RFX2: variants seen among roughly 807,000 people sequenced by gnomAD.
RFX2 encodes DNA-binding protein RFX2.
RFX2 carries 20 observed loss-of-function variants against 87.8 expected under a neutral mutation model. That is an observed-to-expected ratio of 0.23 (90% CI 0.16 to 0.33). The LOEUF is 0.33. RFX2 is among the 10% of genes least tolerant of loss of function. The pLI is 1.00. For missense variants in RFX2, 767 were observed against 1,012.3 expected (o/e 0.76, Z 3.29); for synonymous variants, 397 against 431.3 (o/e 0.92, Z 0.98).
intron 1 of RFX2, among the ~76,000 whole-genome samples, chr19:6,096,741 T>C (rs992938544): frequency 4.6e-5 from 7 of 152,236 alleles, no homozygotes; most frequent in East Asian, 1.9e-4. Context: ...GCACTGCACC[T>C]GGCCTCGTTT....
intron 2 of RFX2, among the ~76,000 whole-genome samples, chr19:6,046,409 C>G (rs963745647): frequency 1.3e-5 from 2 of 151,680 alleles, no homozygotes; most frequent in African/African-American, 2.4e-5. Context: ...GGTGAAACCT[C>G]GTCTCTACTA....
intron 1 of RFX2, among the ~76,000 whole-genome samples, chr19:6,104,749 T>G (rs1318542381): frequency 2.6e-5 from 4 of 152,076 alleles, no homozygotes; most frequent in Non-Finnish European, 5.9e-5. Flanking sequence ...TCCCCATAAG[T>G]GTCAAGGAAA....
intron 5 of RFX2, among the ~76,000 whole-genome samples, chr19:6,036,768 C>T (rs1452492534): frequency 1.3e-5 from 2 of 152,180 alleles, no homozygotes; most frequent in African/African-American, 4.8e-5. Flanking sequence ...GAAAAACCCA[C>T]AGCTAACATC....
chr19:5,995,746 C>T, intron 16 of RFX2, 103 bp from the exon 17 acceptor site: 1 of 999,736 alleles, frequency 1.0e-6, no homozygotes, highest in East Asian at 2.6e-5. Context: ...CCACGTCCTC[C>T]ATTCACAGTG....
In RFX2 at chr19:6,011,868, A is replaced by AG. The variant is rs992874499; in HGVS notation, c.899+1117dup. ...CTATTGCAATGTGGCCCCTGCCCTC[A>AG]GGGGGGGCACTTGTGGAGGCACACT... On this transcript the variant is annotated intron_variant, in intron 8 of 17. Coordinates refer to ENST00000303657, the MANE Select transcript of RFX2 (RefSeq NM_000635.4). The surrounding 1 kb of genome is among the most constrained non-coding windows in gnomAD (Gnocchi z 4.8). Among the ~76,000 whole-genome samples the AG allele has an allele frequency of 3.3e-5, 5 of 152,084 alleles. No individual in the cohort carries two copies. Among genetic ancestry groups the AG allele is most frequent in the Non-Finnish European group, 5.9e-5 (4 of 68,016 alleles).
At chr19:6,057,537 T>G (rs1257519951) in intron 1 of RFX2, among the ~76,000 whole-genome samples, 1 of 152,188 alleles carries the variant, frequency 6.6e-6, no homozygotes, top group Non-Finnish European at 1.5e-5. Context: ...CAATGTTTTG[T>G]CATCTTTGGT....
intron 1 of RFX2, among the ~76,000 whole-genome samples, chr19:6,076,676 C>T (rs1015464144): frequency 6.6e-6 from 1 of 152,216 alleles, no homozygotes; most frequent in Non-Finnish European, 1.5e-5. Context: ...TTAGCGTCAT[C>T]GTTGTAATTC....
intron 5 of RFX2, among the ~76,000 whole-genome samples, chr19:6,030,258 G>A (rs1382571458): frequency 6.6e-6 from 1 of 152,226 alleles, no homozygotes; most frequent in Non-Finnish European, 1.5e-5. Flanking sequence ...CAGTAGGAGA[G>A]AAGTGGCGTC....
chr19:6,025,584 G>A (rs575167965), intron 6 of RFX2, among the ~76,000 whole-genome samples: 52 of 151,872 alleles, frequency 3.4e-4, no homozygotes, highest in Middle Eastern at 3.4e-3. Context: ...AGTATTTTAC[G>A]TACATTAAAT....
Position 6,016,209 on chromosome 19 carries a change from A to G in RFX2, c.660T>C (p.Leu220=), listed in dbSNP as rs2086724177. 6.2e-7 allele frequency: 1 copy of G among 1,613,950 alleles called. No individual in the cohort carries two copies. The highest frequency in any genetic ancestry group is 1.3e-5 in the African/African-American group (1 of 74,920). Reference sequence around the variant, plus strand: ...GGCAGTGCCGAAGGTAGTGGTTGTAAAGAGAACTTCTGGGGAGACTCACAC... The same window carrying G: ...GGCAGTGCCGAAGGTAGTGGTTGTAGAGAGAACTTCTGGGGAGACTCACAC... The part of the protein sequence containing the change: ...AEGVSLPRSS[L]YNHYLRHCQE... The change falls in exon 7 of 18, where the codon CTT becomes CTC. Residue 220 remains leucine, a synonymous_variant. Coordinates refer to ENST00000303657, the MANE Select transcript of RFX2 (RefSeq NM_000635.4). The surrounding 1 kb of genome is among the most constrained non-coding windows in gnomAD (Gnocchi z 5.4).
chr19:6,054,112 A>T (rs1288784804), intron 1 of RFX2, among the ~76,000 whole-genome samples: 1 of 152,160 alleles, frequency 6.6e-6, no homozygotes, highest in Non-Finnish European at 1.5e-5. Flanking sequence ...GATAATAGAG[A>T]ACTATTACAA....
intron 5 of RFX2, among the ~76,000 whole-genome samples, chr19:6,031,188 A>C (rs1427674053): frequency 6.6e-6 from 1 of 152,160 alleles, no homozygotes; most frequent in Non-Finnish European, 1.5e-5. Context: ...CATTCTTTCA[A>C]GCAGAAATGG....
chr19:5,996,756 G>A (rs2086418287), intron 16 of RFX2, among the ~76,000 whole-genome samples: 2 of 152,276 alleles, frequency 1.3e-5, no homozygotes, highest in Admixed American at 1.3e-4. Context: ...TCCCCTGTGT[G>A]GCGGGACGCC....
At chr19:6,081,112 C>A (rs1393561516) in intron 1 of RFX2, among the ~76,000 whole-genome samples, 1 of 151,270 alleles carries the variant, frequency 6.6e-6, no homozygotes, top group South Asian at 2.1e-4. Context: ...TATAATCTGA[C>A]TTACATCTTT....
chr19:6,076,643 C>T (rs775841787), intron 1 of RFX2, among the ~76,000 whole-genome samples: 1 of 152,188 alleles, frequency 6.6e-6, no homozygotes, highest in Non-Finnish European at 1.5e-5. Context: ...GCCCAGCACA[C>T]GGAAAATGCC....
At chr19:6,086,493 G>C (rs2087857606) in intron 1 of RFX2, among the ~76,000 whole-genome samples, 1 of 152,180 alleles carries the variant, frequency 6.6e-6, no homozygotes, top group Non-Finnish European at 1.5e-5. Context: ...CATAGAAAAG[G>C]TACAGGAAAA....
In RFX2 at chr19:6,021,646, G is replaced by C. The variant is rs955140434; in HGVS notation, c.597+4517C>G. Among the ~76,000 whole-genome samples the C allele has an allele frequency of 1.3e-5, 2 of 152,232 alleles. No homozygotes were observed. The highest frequency in any genetic ancestry group is 2.9e-5 in the Non-Finnish European group (2 of 68,036). The stretch of plus-strand genomic sequence containing the variant: ...TGCAAAGGCCCTGGGGCAGGTCCGA[G>C]CCTGGTGCATTGGAGGAATAGCGAG... On this transcript the variant is annotated intron_variant, in intron 6 of 17. Transcript: ENST00000303657. This position sits in a 1 kb window ranked among gnomAD's most constrained non-coding sequence, Gnocchi z 5.7.
In RFX2 at chr19:6,074,386, G is replaced by A. The variant is rs2087655801; in HGVS notation, c.-8-26882C>T. 6.6e-6 allele frequency among the ~76,000 whole-genome samples: 1 copy of A among 152,172 alleles called. No homozygotes were observed. The highest frequency in any genetic ancestry group is 2.1e-4 in the South Asian group (1 of 4,834). ...CTTTCCACCTTCCTCTTAGCACCCG[G>A]CCTGTGCCGGTGCATCTCCTCACCC... On this transcript the variant is annotated intron_variant, in intron 1 of 17. Transcript: ENST00000303657. The surrounding 1 kb of genome is among the most constrained non-coding windows in gnomAD (Gnocchi z 5.2).
In RFX2 at chr19:6,045,989, G is replaced by A. The variant is rs975184394; in HGVS notation, c.90+1418C>T. Among the ~76,000 whole-genome samples, 12 of 152,038 alleles carry A rather than the reference G, an allele frequency of 7.9e-5. No homozygotes were observed. Among genetic ancestry groups the A allele is most frequent in the African/African-American group, 2.9e-4 (12 of 41,384 alleles). ...GGCATGTGCCACCATGCCTGGCCCTGAATTGTGTGTTTTAAAACCATAATC... is the reference window on the plus strand; with the variant it reads ...GGCATGTGCCACCATGCCTGGCCCTAAATTGTGTGTTTTAAAACCATAATC... On this transcript the variant is annotated intron_variant, in intron 2 of 17. Transcript: ENST00000303657. The surrounding 1 kb of genome is among the most constrained non-coding windows in gnomAD (Gnocchi z 5.2).
Sources: allele counts gnomAD v4.1 joint callset (sites outside exome capture counted in the v4.1 genomes callset), GRCh38; gene constraint gnomAD v4.1.1; non-coding constraint Gnocchi (gnomAD v3.1); transcripts MANE v1.5; gene names NCBI Gene and HGNC (gene_info 2026-07-23, HGNC 2026-07-21).